FOXP1: variants seen among roughly 807,000 people sequenced by gnomAD.
FOXP1 encodes forkhead box P1.
FOXP1 carries 15 observed loss-of-function variants against 98.2 expected under a neutral mutation model. The ratio of observed to expected loss-of-function variants is 0.15; its 90% CI spans 0.10 to 0.24. FOXP1 has a LOEUF of 0.24. Among genes scored for constraint, FOXP1 ranks in the 10% least tolerant of loss-of-function variants. FOXP1 has a pLI of 1.00. For synonymous variants in FOXP1, 371 were observed against 314.5 expected (o/e 1.18, Z -1.90); for missense variants, 633 against 848.5 (o/e 0.75, Z 3.15).
intron 6 of FOXP1, among the ~76,000 whole-genome samples, chr3:71,120,819 T>C (rs976838669): frequency 6.6e-6 from 1 of 152,222 alleles, no homozygotes; most frequent in Non-Finnish European, 1.5e-5. Flanking sequence ...GTTTCACATA[T>C]ACTTACAGAC....
At chr3:71,167,241 G>A (rs543798377) in intron 6 of FOXP1, among the ~76,000 whole-genome samples, 2 of 152,228 alleles carry the variant, frequency 1.3e-5, no homozygotes, top group Admixed American at 6.5e-5. Context: ...ATATACGAAG[G>A]CGGTGATGTC....
intron 18 of FOXP1, chr3:70,972,144 A>G: frequency 6.5e-6 from 10 of 1,534,008 alleles, no homozygotes; most frequent in Non-Finnish European, 8.7e-6. Context: ...ACTCTGATAA[A>G]GCACTTATGC....
intron 6 of FOXP1, among the ~76,000 whole-genome samples, chr3:71,165,737 T>A (rs2061369783): frequency 6.6e-6 from 1 of 151,918 alleles, no homozygotes; most frequent in Non-Finnish European, 1.5e-5. Context: ...GGTCTAGACA[T>A]CACCCACCCA....
At chr3:71,342,043 C>CATAA (rs34566054) in intron 4 of FOXP1, among the ~76,000 whole-genome samples, 69,168 of 151,644 alleles carry the variant, frequency 0.46, 17,119 homozygotes, top group East Asian at 0.73. Context: ...TTTTCTGCTA[C>CATAA]ATAACTAGTC....
intron 6 of FOXP1, among the ~76,000 whole-genome samples, chr3:71,162,985 A>T (rs568363190): frequency 6.6e-6 from 1 of 152,340 alleles, no homozygotes; most frequent in African/African-American, 2.4e-5. Flanking sequence ...ATGCAACAGA[A>T]AGAAACTGAA....
At chr3:70,989,948 C>A (rs896312407) in intron 13 of FOXP1, among the ~76,000 whole-genome samples, 1 of 152,166 alleles carries the variant, frequency 6.6e-6, no homozygotes, top group African/African-American at 2.4e-5. Context: ...TACTGGTCAG[C>A]CAAAGGTAGC....
At chr3:71,024,688 T>C (rs1229515998) in intron 11 of FOXP1, among the ~76,000 whole-genome samples, 1 of 152,338 alleles carries the variant, frequency 6.6e-6, no homozygotes, top group Non-Finnish European at 1.5e-5. Context: ...TGAGTAAAAC[T>C]TGCAATTGGA....
intron 5 of FOXP1, among the ~76,000 whole-genome samples, chr3:71,216,484 A>T (rs9819895): frequency 0.32 from 47,937 of 151,980 alleles, 8,047 homozygotes; most frequent in East Asian, 0.67. Context: ...GGCAGCTGCA[A>T]CGTGCTTCAG....
intron 5 of FOXP1, among the ~76,000 whole-genome samples, chr3:71,286,783 G>A (rs1009403889): frequency 6.6e-6 from 1 of 152,176 alleles, no homozygotes; most frequent in Non-Finnish European, 1.5e-5. Flanking sequence ...TCTACCTCAT[G>A]CTATCACAGA....
intron 4 of FOXP1, among the ~76,000 whole-genome samples, chr3:71,311,388 C>A (rs973017627): frequency 6.6e-6 from 1 of 152,226 alleles, no homozygotes; most frequent in African/African-American, 2.4e-5. Flanking sequence ...GTGTGCAGGC[C>A]TCTTGCTTGC....
chr3:71,559,447 A>T (rs1435673543), intron 2 of FOXP1, among the ~76,000 whole-genome samples: 1 of 152,174 alleles, frequency 6.6e-6, no homozygotes, highest in East Asian at 1.9e-4. Context: ...TCTAGATAAA[A>T]GTGATCTCCC....
intron 6 of FOXP1, among the ~76,000 whole-genome samples, chr3:71,189,229 G>A (rs901895848): frequency 5.8e-5 from 7 of 121,040 alleles, no homozygotes; most frequent in East Asian, 2.4e-4. Flanking sequence ...GTCATTATAA[G>A]AAGCTTGTGT....
At chr3:71,091,429 G>A (rs1485600334) in intron 7 of FOXP1, among the ~76,000 whole-genome samples, 6 of 152,116 alleles carry the variant, frequency 3.9e-5, no homozygotes, top group Admixed American at 3.9e-4. Flanking sequence ...GGCGGAGGTT[G>A]TAGTGAGCCG....
intron 3 of FOXP1, among the ~76,000 whole-genome samples, chr3:71,483,120 T>C (rs2090408078): frequency 6.6e-6 from 1 of 152,288 alleles, no homozygotes; most frequent in African/African-American, 2.4e-5. Flanking sequence ...ATTACAGGTG[T>C]GAGCCACCAC....
At chr3:70,960,685 TATGC>T (rs950705815) in intron 20 of FOXP1, among the ~76,000 whole-genome samples, 4 of 152,062 alleles carry the variant, frequency 2.6e-5, no homozygotes, top group Non-Finnish European at 5.9e-5. Flanking sequence ...ATTGATGCTG[TATGC>T]AAACCCCAAA....
At chr3:71,370,875 C>T in intron 3 of FOXP1, among the ~76,000 whole-genome samples, 1 of 148,604 alleles carries the variant, frequency 6.7e-6, no homozygotes, top group Non-Finnish European at 1.5e-5. Context: ...GATCTCAGCT[C>T]ACTGCAACCT....
At chr3:71,204,701 C>T (rs2063906208) in intron 5 of FOXP1, among the ~76,000 whole-genome samples, 2 of 151,886 alleles carry the variant, frequency 1.3e-5, no homozygotes, top group Admixed American at 1.3e-4. Context: ...ATGGCAGCCC[C>T]AAGATGTAGA....
intron 7 of FOXP1, among the ~76,000 whole-genome samples, chr3:71,083,293 C>T (rs536577437): frequency 2.0e-5 from 3 of 152,214 alleles, no homozygotes; most frequent in Admixed American, 1.3e-4. Context: ...CATGCTGGCT[C>T]CCCTTCTGCC....
chr3:71,462,174 T>A (rs2088203224), intron 3 of FOXP1, among the ~76,000 whole-genome samples: 3 of 152,158 alleles, frequency 2.0e-5, no homozygotes. Context: ...AATGCACTAC[T>A]GGATAAAGCA....
Sources: allele counts gnomAD v4.1 joint callset (sites outside exome capture counted in the v4.1 genomes callset), GRCh38; gene constraint gnomAD v4.1.1; transcripts MANE v1.5; gene names NCBI Gene and HGNC (gene_info 2026-07-23, HGNC 2026-07-21).